Variants in TXK observed in about 807,000 individuals in gnomAD.
TXK encodes tyrosine-protein kinase TXK.
In TXK, 60 loss-of-function variants were observed where a neutral mutation model predicts 81.0. The observed-to-expected ratio is 0.74, with a 90% confidence interval of 0.60 to 0.92. The LOEUF (loss-of-function observed/expected upper bound fraction) is 0.92, where lower values mean the gene tolerates loss of function less well. Among genes scored for constraint, TXK ranks in the 40% least tolerant of loss-of-function variants. The pLI, the probability that TXK is intolerant of heterozygous loss-of-function variation, is 0.00. For missense variants in TXK, 581 were observed against 638.3 expected (o/e 0.91, Z 0.97); for synonymous variants, 203 against 210.7 (o/e 0.96, Z 0.32).
intron 8 of TXK, among the ~76,000 whole-genome samples, chr4:48,093,338 G>A (rs567082324): frequency 4.6e-5 from 7 of 152,354 alleles, no homozygotes; most frequent in African/African-American, 1.7e-4. Context: ...GTGCATGCAT[G>A]ACAAGCAGTC....
At chr4:48,095,018 G>C in intron 7 of TXK, 125 bp downstream of exon 7, 1 of 744,156 alleles carries the variant, frequency 1.3e-6, no homozygotes, top group Admixed American at 2.3e-5. Context: ...ATCACGGACT[G>C]GTTGGTTTTT....
At chr4:48,121,667 T>C (rs1393954413) in intron 1 of TXK, among the ~76,000 whole-genome samples, 3 of 152,168 alleles carry the variant, frequency 2.0e-5, no homozygotes, top group Non-Finnish European at 4.4e-5. Flanking sequence ...TTACACTATA[T>C]TGTTTAGGGA....
rs192911667 is a variant in TXK, at chr4:48,125,418, C to T, written c.16+8737G>A. Among the ~76,000 whole-genome samples the T allele has an allele frequency of 1.4e-4, 22 of 152,186 alleles. No homozygotes were observed. The East Asian group carries it at 4.2e-3, about 29-fold the overall frequency. Reference sequence around the variant, plus strand: ...GCAGGTGTGGTTTTCCCTCTGAAGACAAAATGGAGGAAGAAGGCTTAGTAA... The same window carrying T: ...GCAGGTGTGGTTTTCCCTCTGAAGATAAAATGGAGGAAGAAGGCTTAGTAA... On this transcript the variant is annotated intron_variant, in intron 1 of 14. Coordinates refer to ENST00000264316, the MANE Select transcript of TXK (RefSeq NM_003328.3).
chr4:48,068,696 G>A (rs1716703589), intron 14 of TXK, among the ~76,000 whole-genome samples: 1 of 152,294 alleles, frequency 6.6e-6, no homozygotes, highest in South Asian at 2.1e-4. Context: ...GATTCCAAGA[G>A]GAAGAAGAGA....
intron 1 of TXK, chr4:48,114,614 C>T: frequency 3.5e-6 from 2 of 567,700 alleles, no homozygotes; most frequent in South Asian, 2.1e-5. Flanking sequence ...AGGCTCTTCT[C>T]CTCTGGCCTG....
intron 6 of TXK, among the ~76,000 whole-genome samples, chr4:48,095,777 A>C (rs1448430360): frequency 6.6e-6 from 1 of 152,212 alleles, no homozygotes; most frequent in African/African-American, 2.4e-5. Context: ...AGATAAAAAG[A>C]AGTGGTAAAA....
intron 9 of TXK, 99 bp from the exon 10 acceptor site, chr4:48,086,736 G>A (rs1717547097): frequency 4.5e-6 from 5 of 1,099,598 alleles, no homozygotes; most frequent in Non-Finnish European, 6.5e-6. Flanking sequence ...TGACAGAGAG[G>A]TTAAAAAATG....
At position 48,080,079 on chromosome 4, in the gene TXK, G is replaced by C; in HGVS notation, c.1006C>G (p.Arg336Gly). The change falls in exon 11 of 15, where the codon CGG becomes GGG. Residue 336 changes from arginine to glycine, a missense_variant. Physicochemically the swap from Arg to Gly is moderately radical, Grantham distance 125 (BLOSUM62 -2). Transcript: ENST00000264316. ...TCTGTCACAATGTAAAGGGGCTTCCGCTGTATACAGACTCCATAAAGTTGC... is the reference window on the plus strand; with the variant it reads ...TCTGTCACAATGTAAAGGGGCTTCCCCTGTATACAGACTCCATAAAGTTGC... ...LVQLYGVCIQ[R>G]KPLYIVTEFM... is the part of the protein sequence containing the mutation. 1.2e-6 allele frequency: 2 copies of C among 1,614,040 alleles called. No homozygotes were observed. The highest frequency in any genetic ancestry group is 1.7e-6 in the Non-Finnish European group (2 of 1,179,980).
intron 13 of TXK, among the ~76,000 whole-genome samples, chr4:48,072,911 G>T (rs1716919184): frequency 1.3e-5 from 2 of 152,038 alleles, no homozygotes; most frequent in African/African-American, 4.8e-5. Context: ...TAACTTTATT[G>T]TATGTTTTTA....
intron 5 of TXK, 117 bp from the exon 6 acceptor site, chr4:48,105,072 G>A: frequency 1.6e-6 from 1 of 638,344 alleles, no homozygotes; most frequent in Non-Finnish European, 2.6e-6. Context: ...AAAGTTGAGT[G>A]TTTTTTTAAA....
chr4:48,074,058 G>A lies in TXK; in HGVS notation c.1239-5C>T. 1.2e-6 allele frequency: 2 copies of A among 1,600,318 alleles called. No individual in the cohort carries two copies. The highest frequency in any genetic ancestry group is 1.7e-6 in the Non-Finnish European group (2 of 1,167,892). On this transcript the variant is annotated splice_polypyrimidine_tract_variant and splice_region_variant and intron_variant, in intron 12 of 14. Coordinates refer to ENST00000264316, the MANE Select transcript of TXK (RefSeq NM_003328.3). ...TACTCATCATCCAAAACGTACCTAA[G>A]TTTATCAGATTCAAAGCATATTGTG... is the stretch of plus-strand genomic sequence containing the variant.
chr4:48,094,644 G>A (rs1376329771), intron 7 of TXK, among the ~76,000 whole-genome samples: 1 of 152,132 alleles, frequency 6.6e-6, no homozygotes, highest in African/African-American at 2.4e-5. Flanking sequence ...GGAGAGACTG[G>A]GGAACACACC....
chr4:48,105,108 GT>G (rs1718410308), intron 5 of TXK, among the ~76,000 whole-genome samples, 153 bp from the exon 6 acceptor site: 1 of 151,950 alleles, frequency 6.6e-6, no homozygotes, highest in South Asian at 2.1e-4. Flanking sequence ...ATATACTATT[GT>G]GGGTTAATTA....
At chr4:48,131,492 T>C (rs1249706346) in intron 1 of TXK, among the ~76,000 whole-genome samples, 1 of 152,136 alleles carries the variant, frequency 6.6e-6, no homozygotes, top group Non-Finnish European at 1.5e-5. Context: ...TCTTGAGGCA[T>C]CACTTAGCTG....
At chr4:48,118,357 TG>T (rs1475833821) in intron 1 of TXK, among the ~76,000 whole-genome samples, 1 of 152,106 alleles carries the variant, frequency 6.6e-6, no homozygotes, top group Non-Finnish European at 1.5e-5. Flanking sequence ...AGGCCACTGG[TG>T]TGAATTGAAG....
intron 12 of TXK, 75 bp from the exon 13 acceptor site, chr4:48,074,128 C>A: frequency 8.8e-7 from 1 of 1,140,660 alleles, no homozygotes; most frequent in South Asian, 1.4e-5. Flanking sequence ...CTTTAGTTAA[C>A]TCTAAGTTGC....
At chr4:48,105,089 TAAAC>T (rs367701277) in intron 5 of TXK, 134 bp from the exon 6 acceptor site, 20 of 572,478 alleles carry the variant, frequency 3.5e-5, no homozygotes, top group South Asian at 7.5e-5. Context: ...TAAATTCAGA[TAAAC>T]AATAATATAC....
At chr4:48,123,391 T>C (rs936565798) in intron 1 of TXK, among the ~76,000 whole-genome samples, 22 of 152,176 alleles carry the variant, frequency 1.4e-4, no homozygotes, top group African/African-American at 5.1e-4. Context: ...AAGAAAACCA[T>C]TCTGTTGCTT....
intron 13 of TXK, among the ~76,000 whole-genome samples, chr4:48,073,642 C>G (rs888849105): frequency 6.6e-6 from 1 of 152,156 alleles, no homozygotes; most frequent in South Asian, 2.1e-4. Flanking sequence ...CAAGCCTCTG[C>G]GGAGTGGAAA....
Sources: allele counts gnomAD v4.1 joint callset (sites outside exome capture counted in the v4.1 genomes callset), GRCh38; gene constraint gnomAD v4.1.1; transcripts MANE v1.5; gene names NCBI Gene and HGNC (gene_info 2026-07-23, HGNC 2026-07-21).